MAST4: variants seen among roughly 807,000 people sequenced by gnomAD.
MAST4 encodes microtubule-associated serine/threonine-protein kinase 4.
MAST4 carries 89 observed loss-of-function variants against 162.7 expected under a neutral mutation model. That is an observed-to-expected ratio of 0.55 (90% CI 0.46 to 0.65). MAST4 has a LOEUF of 0.65. Among genes scored for constraint, MAST4 ranks in the 30% least tolerant of loss-of-function variants. The probability of loss-of-function intolerance (pLI) is 0.00; values close to 1 mark genes in which losing one functional copy is unlikely to be tolerated. For synonymous variants in MAST4, 1,479 were observed against 1,361.1 expected (o/e 1.09, Z -1.91); for missense variants, 3,153 against 3,374.0 (o/e 0.93, Z 1.62).
intron 1 of MAST4, among the ~76,000 whole-genome samples, chr5:66,631,333 C>G (rs552395203): frequency 1.3e-5 from 2 of 152,258 alleles, no homozygotes; most frequent in East Asian, 3.9e-4. Context: ...TAAGGAGTTG[C>G]TATACATAAA....
intron 3 of MAST4, among the ~76,000 whole-genome samples, chr5:66,847,928 G>A (rs747284383): frequency 3.0e-4 from 46 of 151,864 alleles, no homozygotes; most frequent in Non-Finnish European, 3.5e-4. Context: ...TGAAAGGTGA[G>A]GCCAAGACTT....
intron 1 of MAST4, among the ~76,000 whole-genome samples, chr5:66,625,523 C>A (rs1040210066): frequency 2.0e-5 from 3 of 152,044 alleles, no homozygotes; most frequent in African/African-American, 7.2e-5. Context: ...ATTAAACGGG[C>A]AAAGTACCTA....
intron 1 of MAST4, among the ~76,000 whole-genome samples, chr5:66,719,604 G>A (rs550274207): frequency 6.6e-6 from 1 of 151,878 alleles, no homozygotes; most frequent in Non-Finnish European, 1.5e-5. Flanking sequence ...GTGCAGGTTC[G>A]TTACATAGGT....
At chr5:66,852,102 A>G (rs1561382628) in intron 3 of MAST4, among the ~76,000 whole-genome samples, 2 of 152,206 alleles carry the variant, frequency 1.3e-5, no homozygotes, top group Admixed American at 6.5e-5. Flanking sequence ...GACACTGTAT[A>G]TATATAGATA....
At chr5:67,084,159 C>A (rs1039445106) in intron 5 of MAST4, among the ~76,000 whole-genome samples, 1 of 152,220 alleles carries the variant, frequency 6.6e-6, no homozygotes, top group African/African-American at 2.4e-5. Context: ...CTTATTGGGT[C>A]TCTCTTCCAC....
chr5:66,908,365 G>T lies in MAST4; in HGVS notation c.674+8383G>T, dbSNP rs533466322. Among the ~76,000 whole-genome samples, 3 of 152,208 alleles carry T rather than the reference G, an allele frequency of 2.0e-5. No individual in the cohort carries two copies. In the East Asian group the frequency reaches 5.8e-4, roughly 29 times the overall value. On this transcript the variant is annotated intron_variant, in intron 4 of 28. Coordinates refer to ENST00000403625, the MANE Select transcript of MAST4 (RefSeq NM_001164664.2). ...AGAGGGTTAGGTTACCTGTGGGGAGGTTTATAAAAATCTATGTGCATTGCC... is the reference window on the plus strand; with the variant it reads ...AGAGGGTTAGGTTACCTGTGGGGAGTTTTATAAAAATCTATGTGCATTGCC...
chr5:67,142,084 T>C, intron 19 of MAST4, 31 bp from the exon 20 acceptor site: 1 of 1,606,824 alleles, frequency 6.2e-7, no homozygotes, highest in South Asian at 1.1e-5. Context: ...GTTTAACACT[T>C]TCCTCTCTGT....
At chr5:67,033,315 CTG>C (rs146627241) in intron 4 of MAST4, among the ~76,000 whole-genome samples, 2,845 of 125,926 alleles carry the variant, frequency 0.023, 48 homozygotes, top group Non-Finnish European at 0.033. Context: ...TTTCATTTCT[CTG>C]TGTGTGTGTG....
intron 16 of MAST4, among the ~76,000 whole-genome samples, chr5:67,133,259 G>T (rs1769220671): frequency 6.6e-6 from 1 of 151,836 alleles, no homozygotes; most frequent in African/African-American, 2.4e-5. Context: ...TGTTATAAAT[G>T]ATATTGTATG....
At chr5:66,884,756 C>G (rs980947542) in intron 3 of MAST4, among the ~76,000 whole-genome samples, 7 of 152,216 alleles carry the variant, frequency 4.6e-5, no homozygotes, top group African/African-American at 1.7e-4. Context: ...GGCTAGCCGC[C>G]TAGACTGCAA....
intron 1 of MAST4, among the ~76,000 whole-genome samples, chr5:66,661,035 TTAA>T (rs924637438): frequency 5.3e-5 from 8 of 152,084 alleles, no homozygotes; most frequent in African/African-American, 1.9e-4. Context: ...ATATGCTGAG[TTAA>T]TAAGTTTTGG....
At chr5:66,788,607 C>CCAAGCCAAAAAAAAAA in intron 2 of MAST4, 63 bp from the exon 3 acceptor site, 1 of 1,373,728 alleles carries the variant, frequency 7.3e-7, no homozygotes, top group Non-Finnish European at 1.0e-6. Context: ...CCCCCACCCC[C>CCAAGCCAAAAAAAAAA]ATTGCAATAA....
intron 2 of MAST4, 101 bp from the exon 3 acceptor site, chr5:66,788,569 A>G (rs965748765): frequency 1.5e-6 from 2 of 1,355,660 alleles, no homozygotes; most frequent in Non-Finnish European, 1.0e-6. Flanking sequence ...GTAATACAGA[A>G]CAAGGTTGGC....
intron 4 of MAST4, among the ~76,000 whole-genome samples, chr5:66,910,741 C>CTTTTTTTTTTTTTTTTTTTTTTTTTTTT (rs1176127841): frequency 5.0e-5 from 1 of 20,090 alleles, no homozygotes; most frequent in African/African-American, 1.2e-4. Context: ...TTTTTTTTTT[C>CTTTTTTTTTTTTTTTTTTTTTTTTTTTT]TTTTTTTTTT....
rs1263468672 is a variant in MAST4 at position 66,710,458 on chromosome 5, T to C, written c.364-49251T>C. Reference sequence around the variant, plus strand: ...TTTCTCACTGATCATTTTCCTTCTCTTTTCATCTTTCTTCCTTAGATGTGG... The same window carrying C: ...TTTCTCACTGATCATTTTCCTTCTCCTTTCATCTTTCTTCCTTAGATGTGG... On this transcript the variant is annotated intron_variant, in intron 1 of 28. Coordinates refer to ENST00000403625, the MANE Select transcript of MAST4 (RefSeq NM_001164664.2). Among the ~76,000 whole-genome samples the C allele has an allele frequency of 2.0e-5, 3 of 152,328 alleles. No individual in the cohort carries two copies. In the East Asian group the frequency reaches 5.8e-4, roughly 29 times the overall value.
At chr5:66,794,580 T>A (rs1162813068) in intron 3 of MAST4, among the ~76,000 whole-genome samples, 1 of 152,218 alleles carries the variant, frequency 6.6e-6, no homozygotes, top group East Asian at 1.9e-4. Flanking sequence ...GAGGTAGGAA[T>A]TTAACCTTTT....
intron 1 of MAST4, among the ~76,000 whole-genome samples, chr5:66,714,039 C>G (rs891953759): frequency 1.1e-4 from 17 of 152,206 alleles, no homozygotes; most frequent in African/African-American, 4.1e-4. Flanking sequence ...AAAGTTGAGA[C>G]ACAGAGCTTT....
chr5:66,653,298 G>T (rs919121570), intron 1 of MAST4, among the ~76,000 whole-genome samples: 5 of 152,140 alleles, frequency 3.3e-5, no homozygotes, highest in African/African-American at 1.2e-4. Context: ...GGTGGCAGTT[G>T]TGGGAACTTA....
At chr5:66,930,406 T>G (rs963424539) in intron 4 of MAST4, among the ~76,000 whole-genome samples, 2 of 152,154 alleles carry the variant, frequency 1.3e-5, no homozygotes, top group African/African-American at 4.8e-5. Context: ...AGAAGTGTAG[T>G]TCCCACAAAC....
Sources: allele counts gnomAD v4.1 joint callset (sites outside exome capture counted in the v4.1 genomes callset), GRCh38; gene constraint gnomAD v4.1.1; transcripts MANE v1.5; gene names NCBI Gene and HGNC (gene_info 2026-07-23, HGNC 2026-07-21).